The following THSD7A variants were observed in gnomAD, a reference collection of about 807,000 sequenced individuals.
THSD7A encodes the protein thrombospondin type-1 domain-containing protein 7A.
THSD7A carries 96 observed loss-of-function variants against 231.3 expected under a neutral mutation model. The ratio of observed to expected loss-of-function variants is 0.41; its 90% CI spans 0.35 to 0.49. The LOEUF is 0.49. THSD7A is among the 20% of genes least tolerant of loss of function. The pLI is 0.05. For missense variants in THSD7A, 2,290 were observed against 2,070.2 expected (o/e 1.11, Z -2.06); for synonymous variants, 940 against 743.3 (o/e 1.26, Z -4.30).
chr7:11,468,813 G>A (rs1367054400), intron 9 of THSD7A, among the ~76,000 whole-genome samples: 1 of 152,110 alleles, frequency 6.6e-6, no homozygotes, highest in Admixed American at 6.6e-5. Context: ...CAGCCTGGAT[G>A]ACAGAGTGAG....
At position 11,462,025 on chromosome 7, in the gene THSD7A, C is replaced by G. The variant is rs7807697; in HGVS notation, c.2487G>C (p.Ala829=). Residue 829 remains alanine (A), a synonymous_variant, in exon 10 of 28, where the codon GCG becomes GCC. Transcript: ENST00000423059. The part of the protein sequence containing the change: ...YEEKACEAPQ[A]CQSYRWKTHK... ...TCTAACCCTACCTGTAGCTTTGGCA[C>G]GCTTGAGGTGCCTCACAGGCCTTCT... 2.5e-6 allele frequency: 4 copies of G among 1,613,574 alleles called. No homozygotes were observed. The highest frequency in any genetic ancestry group is 4.5e-5 in the East Asian group (2 of 44,852).
intron 4 of THSD7A, among the ~76,000 whole-genome samples, chr7:11,554,490 A>AT (rs1412161629): frequency 1.3e-5 from 2 of 151,662 alleles, no homozygotes; most frequent in African/African-American, 4.8e-5. Context: ...CTCTATTCCT[A>AT]TTTTTTTCTG....
chr7:11,765,365 G>C (rs565856789), intron 1 of THSD7A, among the ~76,000 whole-genome samples: 149 of 152,186 alleles, frequency 9.8e-4, no homozygotes, highest in Admixed American at 1.8e-3. Flanking sequence ...TCCAGCTTTG[G>C]CATGTGTTAA....
chr7:11,543,045 C>G lies in THSD7A; in HGVS notation c.1526G>C (p.Cys509Ser). Residue 509 changes from cysteine to serine, a missense_variant, in exon 5 of 28, where the codon TGT becomes TCT. Physicochemically the swap from Cys to Ser is moderately radical, Grantham distance 112. Coordinates refer to ENST00000423059, the MANE Select transcript of THSD7A (RefSeq NM_015204.3). The part of the protein sequence containing the change: ...PNTTQLCHIP[C>S]PTECEVSPWS... Reference sequence around the variant, plus strand: ...AGGTGAAACTTCACATTCAGTTGGACAAGGAATGTGGCACAGCTGTGTAGT... The same window carrying G: ...AGGTGAAACTTCACATTCAGTTGGAGAAGGAATGTGGCACAGCTGTGTAGT... The G allele has an allele frequency of 1.2e-6, 2 of 1,613,702 alleles. No homozygotes were observed. Among genetic ancestry groups the G allele is most frequent in the Non-Finnish European group, 8.5e-7 (1 of 1,179,730 alleles).
At chr7:11,580,650 C>A (rs1208676601) in intron 4 of THSD7A, among the ~76,000 whole-genome samples, 1 of 152,100 alleles carries the variant, frequency 6.6e-6, no homozygotes, top group Non-Finnish European at 1.5e-5. Flanking sequence ...CCAAATACTG[C>A]ATGTTCTTAC....
chr7:11,725,513 T>C (rs774960264), intron 1 of THSD7A, among the ~76,000 whole-genome samples: 3 of 151,984 alleles, frequency 2.0e-5, no homozygotes. Flanking sequence ...TAATTTGCCA[T>C]TAACGTAGAT....
At chr7:11,788,271 T>C (rs1783849755) in intron 1 of THSD7A, among the ~76,000 whole-genome samples, 1 of 152,104 alleles carries the variant, frequency 6.6e-6, no homozygotes, top group Non-Finnish European at 1.5e-5. Flanking sequence ...TTCTGCCACA[T>C]TATTCTTAAA....
intron 6 of THSD7A, among the ~76,000 whole-genome samples, chr7:11,502,364 G>A (rs530205655): frequency 6.6e-6 from 1 of 152,254 alleles, no homozygotes; most frequent in Admixed American, 6.5e-5. Context: ...TATCCTTGAT[G>A]AACATCGATG....
chr7:11,821,851 CA>C (rs1036974603), intron 1 of THSD7A, among the ~76,000 whole-genome samples: 1 of 152,114 alleles, frequency 6.6e-6, no homozygotes, highest in Non-Finnish European at 1.5e-5. Context: ...ATAATATGGG[CA>C]TAATAGAAAA....
chr7:11,641,388 G>T (rs893505675), intron 1 of THSD7A, among the ~76,000 whole-genome samples: 3 of 152,052 alleles, frequency 2.0e-5, no homozygotes, highest in Non-Finnish European at 4.4e-5. Flanking sequence ...TTATATTTTT[G>T]ATGTCAGTGC....
chr7:11,639,922 A>G (rs1489627110), intron 1 of THSD7A, among the ~76,000 whole-genome samples: 1 of 152,168 alleles, frequency 6.6e-6, no homozygotes, highest in Non-Finnish European at 1.5e-5. Context: ...GAAGATATCA[A>G]ACTCTTACAA....
intron 4 of THSD7A, among the ~76,000 whole-genome samples, chr7:11,554,681 C>G (rs1320011025): frequency 6.6e-6 from 1 of 151,888 alleles, no homozygotes; most frequent in East Asian, 1.9e-4. Flanking sequence ...TTGCTGAATT[C>G]TACTTGCTAA....
intron 4 of THSD7A, among the ~76,000 whole-genome samples, chr7:11,577,121 T>G (rs1229199896): frequency 6.6e-6 from 1 of 152,204 alleles, no homozygotes; most frequent in African/African-American, 2.4e-5. Context: ...TTGGGGACTT[T>G]TCTTACCCCC....
intron 24 of THSD7A, among the ~76,000 whole-genome samples, chr7:11,380,710 G>GACAAGCAT (rs1338509433): frequency 3.3e-5 from 5 of 152,054 alleles, no homozygotes; most frequent in Non-Finnish European, 7.4e-5. Flanking sequence ...GATCAAGATA[G>GACAAGCAT]GTAATATACT....
chr7:11,418,804 A>G (rs1169757147), intron 16 of THSD7A, among the ~76,000 whole-genome samples: 1 of 152,168 alleles, frequency 6.6e-6, no homozygotes, highest in Non-Finnish European at 1.5e-5. Context: ...AAAATACCCA[A>G]ACAAATACCT....
rs1783775888 is a variant in THSD7A, at chr7:11,411,260, A to G, written c.3745T>C (p.Leu1249=). 1 of 1,613,752 alleles carries G rather than the reference A, an allele frequency of 6.2e-7. No homozygotes were observed. The highest frequency in any genetic ancestry group is 1.3e-5 in the African/African-American group (1 of 74,890). Residue 1249 remains leucine (L), a synonymous_variant, in exon 19 of 28, where the codon TTG becomes CTG. Coordinates refer to ENST00000423059, the MANE Select transcript of THSD7A (RefSeq NM_015204.3). This position sits in a 1 kb window ranked among gnomAD's most constrained non-coding sequence, Gnocchi z 4.1. ...TTGCCATCACTTCGAACACAATCCAACATCCTTGTTTTTATTCCATTTCCA... is the reference window on the plus strand; with the variant it reads ...TTGCCATCACTTCGAACACAATCCAGCATCCTTGTTTTTATTCCATTTCCA... ...VCGNGIKTRM[L]DCVRSDGKSV...
At chr7:11,694,115 T>C (rs1780317373) in intron 1 of THSD7A, among the ~76,000 whole-genome samples, 1 of 151,556 alleles carries the variant, frequency 6.6e-6, no homozygotes, top group Non-Finnish European at 1.5e-5. Flanking sequence ...AACTACTTGC[T>C]ATTACCTTCT....
At chr7:11,483,394 T>G (rs1400083520) in intron 6 of THSD7A, among the ~76,000 whole-genome samples, 1 of 152,218 alleles carries the variant, frequency 6.6e-6, no homozygotes, top group African/African-American at 2.4e-5. Flanking sequence ...TCATTAGACT[T>G]ACTCACTAGT....
Position 11,406,742 on chromosome 7 carries a change from C to A in THSD7A, c.4062+168G>T, listed in dbSNP as rs1422940171. Among the ~76,000 whole-genome samples, 1 of 152,070 alleles carries A rather than the reference C, an allele frequency of 6.6e-6. No homozygotes were observed. The highest frequency in any genetic ancestry group is 1.5e-5 in the Non-Finnish European group (1 of 67,994). ...ATATAGGGCATGGAGTTTTTGTTATCAAAACTAATTAAATGGTTATAAAAT... is the reference window on the plus strand; with the variant it reads ...ATATAGGGCATGGAGTTTTTGTTATAAAAACTAATTAAATGGTTATAAAAT... On this transcript the variant is annotated intron_variant, in intron 21 of 27. Transcript: ENST00000423059. The surrounding 1 kb of genome is among the most constrained non-coding windows in gnomAD (Gnocchi z 4.7).
Sources: allele counts gnomAD v4.1 joint callset (sites outside exome capture counted in the v4.1 genomes callset), GRCh38; gene constraint gnomAD v4.1.1; non-coding constraint Gnocchi (gnomAD v3.1); transcripts MANE v1.5; gene names NCBI Gene and HGNC (gene_info 2026-07-23, HGNC 2026-07-21).